The following PRKD1 variants were observed in gnomAD, a reference collection of about 807,000 sequenced individuals.
The protein encoded by PRKD1 is serine/threonine-protein kinase D1.
Under a neutral mutation model 95.9 loss-of-function variants are expected in PRKD1, and 63 were observed. The ratio of observed to expected loss-of-function variants is 0.66; its 90% confidence interval spans 0.54 to 0.81. The LOEUF is 0.81. Ranked by LOEUF, PRKD1 falls within the 30% of genes least tolerant of loss-of-function variation. The pLI is 0.00. For missense variants in PRKD1, 1,048 were observed against 1,165.3 expected (o/e 0.90, Z 1.47); for synonymous variants, 425 against 423.1 (o/e 1.00, Z -0.05).
chr14:29,731,996 G>T (rs1886462866), intron 1 of PRKD1, among the ~76,000 whole-genome samples: 1 of 151,490 alleles, frequency 6.6e-6, no homozygotes, highest in Non-Finnish European at 1.5e-5. Context: ...GCCTCTGCCT[G>T]CCGAGTAGTT....
intron 1 of PRKD1, among the ~76,000 whole-genome samples, chr14:29,775,823 A>T (rs1392261823): frequency 2.0e-5 from 3 of 152,104 alleles, no homozygotes; most frequent in Non-Finnish European, 4.4e-5. Flanking sequence ...GGAGTTTGAG[A>T]TCTGAGAACA....
At chr14:29,926,841 C>G (rs1209902487) in intron 1 of PRKD1, among the ~76,000 whole-genome samples, 1 of 152,002 alleles carries the variant, frequency 6.6e-6, no homozygotes, top group Admixed American at 6.6e-5. Flanking sequence ...CGGGGGCACT[C>G]TGGTGCAGGA....
At chr14:29,811,567 G>A (rs1890485509) in intron 1 of PRKD1, among the ~76,000 whole-genome samples, 1 of 152,206 alleles carries the variant, frequency 6.6e-6, no homozygotes, top group African/African-American at 2.4e-5. Context: ...CCACATCTAT[G>A]CCCTGTTCTA....
chr14:29,754,778 C>G lies in PRKD1; in HGVS notation c.265-29104G>C, dbSNP rs545555743. Reference sequence around the variant, plus strand: ...TTAAAGAACAAATACCTCTGCCTTTCCCTTCTTGAGACTGATTCAGCTATT... The same window carrying G: ...TTAAAGAACAAATACCTCTGCCTTTGCCTTCTTGAGACTGATTCAGCTATT... On this transcript the variant is annotated intron_variant, in intron 1 of 17. Coordinates refer to ENST00000331968, the MANE Select transcript of PRKD1 (RefSeq NM_002742.3). Among the ~76,000 whole-genome samples, 53 of 152,180 alleles carry G rather than the reference C, an allele frequency of 3.5e-4. 1 individual carries two copies. The South Asian group carries it at 0.01, about 30-fold the overall frequency.
chr14:29,600,955 G>A (rs1415761940), intron 13 of PRKD1, among the ~76,000 whole-genome samples: 4 of 151,526 alleles, frequency 2.6e-5, no homozygotes, highest in African/African-American at 9.7e-5. Flanking sequence ...ATATCCCAAT[G>A]AGCAAGAGAA....
intron 1 of PRKD1, among the ~76,000 whole-genome samples, chr14:29,799,909 C>G (rs575586829): frequency 2.1e-4 from 32 of 152,186 alleles, no homozygotes; most frequent in African/African-American, 7.5e-4. Context: ...TATTTAATGC[C>G]ACATTTTTTG....
chr14:29,860,351 G>T (rs1892664296), intron 1 of PRKD1, among the ~76,000 whole-genome samples: 1 of 152,206 alleles, frequency 6.6e-6, no homozygotes, highest in African/African-American at 2.4e-5. Flanking sequence ...ATCACATCGT[G>T]TGTAGCTCAG....
At chr14:29,826,989 C>T (rs1437736192) in intron 1 of PRKD1, among the ~76,000 whole-genome samples, 1 of 149,120 alleles carries the variant, frequency 6.7e-6, no homozygotes, top group African/African-American at 2.5e-5. Context: ...AAAAATTGAA[C>T]ATCATATGTT....
intron 1 of PRKD1, among the ~76,000 whole-genome samples, chr14:29,732,130 C>T (rs1037242550): frequency 1.3e-5 from 2 of 152,116 alleles, no homozygotes; most frequent in African/African-American, 4.8e-5. Context: ...ACCTTGGCCT[C>T]CCAAAGTGCT....
At position 29,831,448 on chromosome 14, in the gene PRKD1, G is replaced by GT. The variant is rs1230003339; in HGVS notation, c.264+95800_264+95801insA. Among the ~76,000 whole-genome samples the GT allele has an allele frequency of 6.1e-3, 796 of 131,236 alleles. 9 individuals carry two copies. Among genetic ancestry groups the GT allele is most frequent in the African/African-American group, 0.019 (723 of 38,084 alleles). The allele number at this position is 131,236 out of a possible 152,430, so 86.1% of individuals were successfully genotyped here. Reference sequence around the variant, plus strand: ...CAGTCCAGTAGTTATTAGAATGTTTGGTTTTTTTTTTTTTTTTTTGGTTGG... The same window carrying GT: ...CAGTCCAGTAGTTATTAGAATGTTTGTGTTTTTTTTTTTTTTTTTTGGTTGG... On this transcript the variant is annotated intron_variant, in intron 1 of 17. Transcript: ENST00000331968.
intron 1 of PRKD1, among the ~76,000 whole-genome samples, chr14:29,909,311 C>T (rs1894617341): frequency 7.1e-6 from 1 of 140,940 alleles, no homozygotes; most frequent in Non-Finnish European, 1.6e-5. Flanking sequence ...CCATGGGCTC[C>T]TGCACAGCCC....
At chr14:29,668,922 C>A (rs1882680857) in intron 2 of PRKD1, among the ~76,000 whole-genome samples, 1 of 152,178 alleles carries the variant, frequency 6.6e-6, no homozygotes, top group Non-Finnish European at 1.5e-5. Flanking sequence ...AGGAGCTACA[C>A]TAGGTAATAC....
intron 1 of PRKD1, among the ~76,000 whole-genome samples, chr14:29,888,909 T>A (rs1893837687): frequency 6.6e-6 from 1 of 152,244 alleles, no homozygotes; most frequent in African/African-American, 2.4e-5. Context: ...AATAGCTTAC[T>A]GAGTAAAGCT....
chr14:29,784,649 T>C (rs1311960273), intron 1 of PRKD1, among the ~76,000 whole-genome samples: 1 of 152,182 alleles, frequency 6.6e-6, no homozygotes, highest in African/African-American at 2.4e-5. Context: ...CTTTGTCAAC[T>C]AAGATGAATC....
chr14:29,924,475 G>C (rs191016685), intron 1 of PRKD1, among the ~76,000 whole-genome samples: 12 of 152,262 alleles, frequency 7.9e-5, no homozygotes, highest in Admixed American at 7.2e-4. Context: ...GAAATGTCCT[G>C]TGATGTTACT....
intron 1 of PRKD1, among the ~76,000 whole-genome samples, chr14:29,777,899 G>C (rs1888847447): frequency 6.6e-6 from 1 of 152,114 alleles, no homozygotes; most frequent in Non-Finnish European, 1.5e-5. Context: ...TGGAAGTAAA[G>C]CACTCCTCAG....
chr14:29,683,767 C>T (rs1883679093), intron 2 of PRKD1, among the ~76,000 whole-genome samples: 1 of 152,088 alleles, frequency 6.6e-6, no homozygotes, highest in Non-Finnish European at 1.5e-5. Flanking sequence ...AAAATGCAGG[C>T]CCTATGTTAA....
At chr14:29,875,575 T>C (rs924777185) in intron 1 of PRKD1, among the ~76,000 whole-genome samples, 6 of 152,210 alleles carry the variant, frequency 3.9e-5, no homozygotes, top group Admixed American at 3.9e-4. Flanking sequence ...AAAAGAATTA[T>C]AAGAATTGTT....
chr14:29,734,436 G>A (rs1361889699), intron 1 of PRKD1, among the ~76,000 whole-genome samples: 1 of 152,060 alleles, frequency 6.6e-6, no homozygotes, highest in East Asian at 1.9e-4. Flanking sequence ...ATTGACATTT[G>A]TCTTGGCAGA....
Sources: allele counts gnomAD v4.1 joint callset (sites outside exome capture counted in the v4.1 genomes callset), GRCh38; gene constraint gnomAD v4.1.1; transcripts MANE v1.5; gene names NCBI Gene and HGNC (gene_info 2026-07-23, HGNC 2026-07-21).